The following CPOX variants were observed in gnomAD, a reference collection of about 807,000 sequenced individuals.
The protein encoded by CPOX is coproporphyrinogen oxidase.
CPOX carries 24 observed loss-of-function variants against 48.9 expected under a neutral mutation model. The ratio of observed to expected loss-of-function variants is 0.49; its 90% CI spans 0.36 to 0.69. The LOEUF (loss-of-function observed/expected upper bound fraction) is 0.69. CPOX is among the 30% of genes least tolerant of loss of function. The probability of loss-of-function intolerance (pLI) is 0.00; values close to 1 mark genes in which losing one functional copy is unlikely to be tolerated. For missense variants in CPOX, 549 were observed against 597.3 expected (o/e 0.92, Z 0.84); for synonymous variants, 249 against 234.6 (o/e 1.06, Z -0.56).
At chr3:98,584,441 A>G (rs1388675615) in intron 5 of CPOX, among the ~76,000 whole-genome samples, 1 of 152,242 alleles carries the variant, frequency 6.6e-6, no homozygotes, top group Non-Finnish European at 1.5e-5. Context: ...ATTTACTCTC[A>G]TGTTTTTCAA....
At chr3:98,571,134 G>T in the CPOX span, among the ~76,000 whole-genome samples, 3 of 152,008 alleles carry the variant, frequency 2.0e-5, no homozygotes, top group East Asian at 5.8e-4. Context: ...GTTGCTTCTA[G>T]ATTTTATCAT....
At position 98,580,591 on chromosome 3, in the gene CPOX, G is replaced by T; in HGVS notation, c.*92C>A. 1.3e-6 allele frequency: 2 copies of T among 1,598,814 alleles called. No individual in the cohort carries two copies. The highest frequency in any genetic ancestry group is 1.7e-6 in the Non-Finnish European group (2 of 1,172,322). Reference sequence around the variant, plus strand: ...CAGAGTGGAGAAGACTAAGGCACGGGTAACTGCCACACAGTGGCAAAGTGC... The same window carrying T: ...CAGAGTGGAGAAGACTAAGGCACGGTTAACTGCCACACAGTGGCAAAGTGC... On this transcript the variant is annotated 3_prime_UTR_variant, in exon 7 of 7. Transcript: ENST00000647941.
intron 3 of CPOX, 198 bp downstream of exon 3, chr3:98,590,434 C>T (rs530986828): frequency 4.8e-6 from 3 of 621,330 alleles, no homozygotes; most frequent in African/African-American, 1.8e-5. Context: ...CAGGTATGAG[C>T]CACCAAGCCT....
At chr3:98,592,291 G>A (rs1309924228) in intron 1 of CPOX, among the ~76,000 whole-genome samples, 1 of 152,148 alleles carries the variant, frequency 6.6e-6, no homozygotes, top group Non-Finnish European at 1.5e-5. Context: ...CAAGATGTGG[G>A]GTTTCACTGT....
At chr3:98,590,279 C>T (rs1172335497) in intron 3 of CPOX, among the ~76,000 whole-genome samples, 5 of 152,278 alleles carry the variant, frequency 3.3e-5, no homozygotes, top group Non-Finnish European at 7.3e-5. Flanking sequence ...GCCCGAATAG[C>T]TGGGACTACA....
intron 5 of CPOX, among the ~76,000 whole-genome samples, chr3:98,582,350 C>A (rs1707273749): frequency 6.6e-6 from 1 of 152,060 alleles, no homozygotes; most frequent in African/African-American, 2.4e-5. Context: ...AAACAGTGCC[C>A]CTTTCAGATC....
chr3:98,576,465 G>C (rs1707164318), downstream of CPOX, among the ~76,000 whole-genome samples: 2 of 152,196 alleles, frequency 1.3e-5, no homozygotes, highest in Admixed American at 1.3e-4. Context: ...TACAATTCCA[G>C]GTGAGATTTG....
chr3:98,583,265 C>G (rs112597770), intron 5 of CPOX, among the ~76,000 whole-genome samples: 1 of 152,244 alleles, frequency 6.6e-6, no homozygotes, highest in African/African-American at 2.4e-5. Context: ...ATTTCCATCT[C>G]CTATTCCTGG....
rs1420481707 is a variant in CPOX at position 98,588,703 on chromosome 3, C to A, written c.953+10G>T. The A allele has an allele frequency of 2.5e-6, 4 of 1,614,006 alleles. No individual in the cohort carries two copies. Among genetic ancestry groups the A allele is most frequent in the Non-Finnish European group, 3.4e-6 (4 of 1,180,006 alleles). ...TTTTGGGGTCATGAAAGTTCAGTAA[C>A]TTTACCTACCATTTTTTAAATTTGG... On this transcript the variant is annotated intron_variant, in intron 4 of 6. Transcript: ENST00000647941.
At chr3:98,585,905 C>T (rs999146847) in intron 4 of CPOX, 1 of 417,344 alleles carries the variant, frequency 2.4e-6, no homozygotes, top group East Asian at 5.5e-5. Flanking sequence ...CGGACTCTTG[C>T]TCTGTCCCCC....
chr3:98,587,204 A>G (rs1707381189), intron 4 of CPOX, among the ~76,000 whole-genome samples: 1 of 152,168 alleles, frequency 6.6e-6, no homozygotes, highest in African/African-American at 2.4e-5. Flanking sequence ...AATTCACCTT[A>G]ATCGTGACTT....
intron 1 of CPOX, among the ~76,000 whole-genome samples, chr3:98,591,983 ATG>A (rs1369377917): frequency 0.012 from 901 of 77,446 alleles, 4 homozygotes; most frequent in African/African-American, 0.056. Flanking sequence ...ATATATATAT[ATG>A]TATATGGATA....
chr3:98,588,234 T>TGTTG (rs1707404884), intron 4 of CPOX, among the ~76,000 whole-genome samples: 1 of 151,986 alleles, frequency 6.6e-6, no homozygotes, highest in African/African-American at 2.4e-5. Context: ...AACTTTTGTT[T>TGTTG]GTTTTCTTAT....
chr3:98,588,543 A>G (rs1353252757), intron 4 of CPOX, among the ~76,000 whole-genome samples, 170 bp downstream of exon 4: 1 of 152,252 alleles, frequency 6.6e-6, no homozygotes, highest in Non-Finnish European at 1.5e-5. Context: ...TTCTAAGTAA[A>G]TAATTTAATA....
In CPOX at chr3:98,582,978, A is replaced by G. The variant is rs140918347; in HGVS notation, c.1173-1467T>C. On this transcript the variant is annotated intron_variant, in intron 5 of 6. Coordinates refer to ENST00000647941, the MANE Select transcript of CPOX (RefSeq NM_000097.7). ...AAAAATAATTTAAGTGAATCTTCTG[A>G]ATCCTTTTCTAAGACCATGGAAAAT... is the stretch of plus-strand genomic sequence containing the variant. 8.0e-3 allele frequency among the ~76,000 whole-genome samples: 1,215 copies of G among 152,294 alleles called. 16 individuals carry two copies. The highest frequency in any genetic ancestry group is 0.027 in the African/African-American group (1,140 of 41,550).
the CPOX span, among the ~76,000 whole-genome samples, chr3:98,573,610 G>A: frequency 6.6e-6 from 1 of 151,804 alleles, no homozygotes; most frequent in Admixed American, 6.6e-5. Flanking sequence ...CTGCAGATTA[G>A]ATTTTCTGCT....
the CPOX span, among the ~76,000 whole-genome samples, chr3:98,574,004 A>G: frequency 1.3e-5 from 2 of 152,080 alleles, no homozygotes; most frequent in African/African-American, 4.8e-5. Flanking sequence ...CTCTTTTATT[A>G]CACTGCATGC....
downstream of CPOX, among the ~76,000 whole-genome samples, chr3:98,577,721 C>T (rs936085670): frequency 1.3e-5 from 2 of 152,178 alleles, no homozygotes; most frequent in African/African-American, 4.8e-5. Context: ...CTGCCTTTGC[C>T]TTTTTCCATG....
intron 3 of CPOX, 162 bp downstream of exon 3, chr3:98,590,470 C>T: frequency 1.5e-6 from 1 of 684,846 alleles, no homozygotes; most frequent in Non-Finnish European, 2.7e-6. Flanking sequence ...TGTCATGTCT[C>T]AGGCATAATC....
Sources: allele counts gnomAD v4.1 joint callset (sites outside exome capture counted in the v4.1 genomes callset), GRCh38; gene constraint gnomAD v4.1.1; transcripts MANE v1.5; gene names NCBI Gene and HGNC (gene_info 2026-07-23, HGNC 2026-07-21).